SSBP3: variants seen among roughly 807,000 people sequenced by gnomAD.
The protein encoded by SSBP3 is single stranded DNA binding protein 3, also known as single-stranded DNA-binding protein 3.
A neutral mutation model predicts 69.6 loss-of-function variants in SSBP3; 5 were observed. The observed-to-expected ratio is 0.07, with a 90% CI of 0.04 to 0.15. The LOEUF (loss-of-function observed/expected upper bound fraction) is 0.15, where lower values mean the gene tolerates loss of function less well. Ranked by LOEUF, SSBP3 falls within the 10% of genes least tolerant of loss-of-function variation. The pLI is 1.00. For synonymous variants in SSBP3, 196 were observed against 193.4 expected (o/e 1.01, Z -0.11); for missense variants, 312 against 534.0 (o/e 0.58, Z 4.10).
chr1:54,332,746 A>G (rs545053065), intron 4 of SSBP3, among the ~76,000 whole-genome samples: 2 of 152,234 alleles, frequency 1.3e-5, no homozygotes, highest in South Asian at 4.1e-4. Context: ...AAAGATAAAA[A>G]AAACGGACTT....
chr1:54,249,987 C>G (rs1196217741), intron 9 of SSBP3, among the ~76,000 whole-genome samples: 1 of 152,208 alleles, frequency 6.6e-6, no homozygotes, highest in African/African-American at 2.4e-5. Flanking sequence ...TCCAAGGCCA[C>G]TGCTGATTTC....
At chr1:54,413,194 C>T (rs1009733798) in intron 1 of SSBP3, 6 of 152,232 alleles carry the variant, frequency 3.9e-5, no homozygotes, top group African/African-American at 1.4e-4. Context: ...GGTTTTCCCT[C>T]TTCCTCTCGG....
intron 4 of SSBP3, among the ~76,000 whole-genome samples, chr1:54,372,283 C>T (rs1647148208): frequency 6.6e-6 from 1 of 152,236 alleles, no homozygotes; most frequent in African/African-American, 2.4e-5. Flanking sequence ...AGAACAGGGG[C>T]TGGCACAGAC....
At chr1:54,268,783 G>C (rs1175438106) in intron 5 of SSBP3, among the ~76,000 whole-genome samples, 3 of 152,308 alleles carry the variant, frequency 2.0e-5, no homozygotes, top group Middle Eastern at 3.4e-3. Flanking sequence ...CAGGACTCTG[G>C]GAGACACAGA....
chr1:54,296,177 T>C (rs1200876996), intron 4 of SSBP3, among the ~76,000 whole-genome samples: 3 of 152,238 alleles, frequency 2.0e-5, no homozygotes, highest in Non-Finnish European at 2.9e-5. Flanking sequence ...TAAGCCCAAA[T>C]GTCAAAAGGT....
intron 5 of SSBP3, among the ~76,000 whole-genome samples, chr1:54,274,914 G>T (rs988575892): frequency 6.7e-6 from 1 of 149,202 alleles, no homozygotes; most frequent in Non-Finnish European, 1.5e-5. Flanking sequence ...GCTCCCTCTC[G>T]CCTGGCACAC....
At chr1:54,228,418 G>A (rs1477404159) in intron 16 of SSBP3, 31 bp downstream of exon 16, 2 of 1,614,098 alleles carry the variant, frequency 1.2e-6, no homozygotes, top group Non-Finnish European at 8.5e-7. Context: ...CACAGATGGG[G>A]CGCCGCCAGG....
intron 4 of SSBP3, among the ~76,000 whole-genome samples, chr1:54,304,783 C>T (rs1000519168): frequency 5.9e-5 from 9 of 152,174 alleles, no homozygotes; most frequent in Non-Finnish European, 1.2e-4. Flanking sequence ...AGGTGCCTCA[C>T]CAGTGGAAAC....
chr1:54,227,224 G>A lies in SSBP3; in HGVS notation c.1138-64C>T. The A allele has an allele frequency of 3.1e-6, 3 of 962,006 alleles. No homozygotes were observed. The South Asian group carries it at 3.9e-5, about 13-fold the overall frequency. 59.6% of individuals were successfully genotyped at this position (962,006 alleles called of 1,614,324 possible). On this transcript the variant is annotated intron_variant, in intron 17 of 17. Coordinates refer to ENST00000610401, the Ensembl canonical transcript of SSBP3. ...TGTGGGGAGGCCGCTGACACACCCAGGTGCCAAGAGCCTGGGGTGACTGCA... is the reference window on the plus strand; with the variant it reads ...TGTGGGGAGGCCGCTGACACACCCAAGTGCCAAGAGCCTGGGGTGACTGCA...
chr1:54,343,374 C>T (rs1646640653), intron 4 of SSBP3, among the ~76,000 whole-genome samples: 1 of 152,216 alleles, frequency 6.6e-6, no homozygotes, highest in Non-Finnish European at 1.5e-5. Flanking sequence ...ACCTTCCCCT[C>T]ATGGGGCCAG....
At chr1:54,343,066 C>T (rs925055223) in intron 4 of SSBP3, among the ~76,000 whole-genome samples, 15 of 152,198 alleles carry the variant, frequency 9.9e-5, no homozygotes, top group Admixed American at 5.2e-4. Context: ...ATTGGCGGAT[C>T]TGCGCTCGCC....
intron 14 of SSBP3, among the ~76,000 whole-genome samples, chr1:54,231,967 T>C (rs1040364575): frequency 1.3e-5 from 2 of 152,208 alleles, no homozygotes; most frequent in African/African-American, 4.8e-5. Context: ...GTGCTAGGAT[T>C]ATAGGTGTGA....
At chr1:54,343,111 G>A (rs1232032005) in intron 4 of SSBP3, among the ~76,000 whole-genome samples, 1 of 152,204 alleles carries the variant, frequency 6.6e-6, no homozygotes, top group African/African-American at 2.4e-5. Context: ...CCCGGATCCT[G>A]TACCAGGGGG....
At chr1:54,406,043 C>CGCCGCCGCCGCT in exon 1 of SSBP3, 1 of 1,396,530 alleles carries the variant, frequency 7.2e-7, no homozygotes, top group Admixed American at 2.7e-5. Flanking sequence ...GCCTCGCCGC[C>CGCCGCCGCCGCT]GCCGCCGCCG....
chr1:54,331,100 A>G (rs1385574571), intron 4 of SSBP3, among the ~76,000 whole-genome samples: 1 of 152,266 alleles, frequency 6.6e-6, no homozygotes, highest in Non-Finnish European at 1.5e-5. Context: ...AAAGGTTTAT[A>G]CATGTGTATG....
intron 4 of SSBP3, among the ~76,000 whole-genome samples, chr1:54,395,010 CTTT>C (rs772634375): frequency 6.9e-6 from 1 of 144,918 alleles, no homozygotes; most frequent in East Asian, 2.0e-4. Context: ...GCTAAGACTC[CTTT>C]TTTTTTTTTT....
At chr1:54,389,234 A>G (rs187133323) in intron 4 of SSBP3, among the ~76,000 whole-genome samples, 3 of 152,260 alleles carry the variant, frequency 2.0e-5, no homozygotes, top group Non-Finnish European at 4.4e-5. Context: ...AATGCATGCA[A>G]TCTCTTTGTA....
At chr1:54,259,489 G>A (rs1644980452) in intron 5 of SSBP3, among the ~76,000 whole-genome samples, 1 of 152,238 alleles carries the variant, frequency 6.6e-6, no homozygotes, top group South Asian at 2.1e-4. Flanking sequence ...GCTGATGCCA[G>A]GGATGAGGAG....
chr1:54,330,722 C>A (rs1262666020), intron 4 of SSBP3, among the ~76,000 whole-genome samples: 1 of 152,162 alleles, frequency 6.6e-6, no homozygotes, highest in East Asian at 1.9e-4. Context: ...AAATCCCTTT[C>A]AGAGCCTAAC....
Sources: allele counts gnomAD v4.1 joint callset (sites outside exome capture counted in the v4.1 genomes callset), GRCh38; gene constraint gnomAD v4.1.1; transcripts MANE v1.5; gene names NCBI Gene and HGNC (gene_info 2026-07-23, HGNC 2026-07-21).